Variants in PCDHGB4 observed in about 807,000 individuals in gnomAD.
PCDHGB4 encodes protocadherin gamma-B4.
In PCDHGB4, 38 loss-of-function variants were observed where a neutral mutation model predicts 60.5. That is an observed-to-expected ratio of 0.63 (90% CI 0.48 to 0.82). PCDHGB4 has a LOEUF of 0.82. Ranked by LOEUF, PCDHGB4 falls within the 40% of genes least tolerant of loss-of-function variation. The probability of loss-of-function intolerance (pLI) is 0.00; values close to 1 mark genes in which losing one functional copy is unlikely to be tolerated. For missense variants in PCDHGB4, 1,109 were observed against 1,209.6 expected (o/e 0.92, Z 1.23); for synonymous variants, 456 against 509.7 (o/e 0.89, Z 1.42).
rs2099415271 is a variant in PCDHGB4, at chr5:141,477,659, G to A, written c.2398-17148G>A. 6.2e-7 allele frequency: 1 copy of A among 1,614,194 alleles called. No individual in the cohort carries two copies. The highest frequency in any genetic ancestry group is 1.3e-5 in the African/African-American group (1 of 75,046). ...GGGTCGCTATTTCACAATAAATCGT[G>A]ACAATGGCATAGTGTCATCCTTAGT... On this transcript the variant is annotated intron_variant, in intron 1 of 3. Transcript: ENST00000519479. The surrounding 1 kb of genome is among the most constrained non-coding windows in gnomAD (Gnocchi z 4.9).
rs374200575 is a variant in PCDHGB4 at position 141,432,105 on chromosome 5, C to G, written c.2397+41824C>G. On this transcript the variant is annotated intron_variant, in intron 1 of 3. Transcript: ENST00000519479. This position sits in a 1 kb window ranked among gnomAD's most constrained non-coding sequence, Gnocchi z 6.0. The stretch of plus-strand genomic sequence containing the variant: ...AACGTGGCAGACACCAACGACAACC[C>G]GCCGGTCTTCCCTCAGGCCTCCTAT... 1.2e-6 allele frequency: 2 copies of G among 1,614,172 alleles called. No individual in the cohort carries two copies. Among genetic ancestry groups the G allele is most frequent in the Non-Finnish European group, 1.7e-6 (2 of 1,180,034 alleles).
intron 1 of PCDHGB4, among the ~76,000 whole-genome samples, chr5:141,445,441 C>G (rs1201825256): frequency 6.6e-6 from 1 of 152,152 alleles, no homozygotes; most frequent in East Asian, 1.9e-4. Context: ...GACCTATGGA[C>G]TAAGGATGCA....
chr5:141,485,193 G>T lies in PCDHGB4; in HGVS notation c.2398-9614G>T. The T allele has an allele frequency of 6.2e-7, 1 of 1,613,988 alleles. No homozygotes were observed. Among genetic ancestry groups the T allele is most frequent in the Non-Finnish European group, 8.5e-7 (1 of 1,179,852 alleles). The stretch of plus-strand genomic sequence containing the variant: ...GCAGCAATGCTCCGCAAGGTGAGAA[G>T]CTGGACAGAAATCTGGCGGTGGGCT... On this transcript the variant is annotated intron_variant, in intron 1 of 3. Transcript: ENST00000519479. The surrounding 1 kb of genome is among the most constrained non-coding windows in gnomAD (Gnocchi z 5.7).
At chr5:141,400,008 C>A (rs1395195387) in intron 1 of PCDHGB4, 1 of 1,612,692 alleles carries the variant, frequency 6.2e-7, no homozygotes, top group South Asian at 1.1e-5. Flanking sequence ...CAGCGCGTGC[C>A]TTGGGCGACA....
intron 2 of PCDHGB4, 143 bp downstream of exon 2, chr5:141,495,008 G>A (rs2099758236): frequency 6.6e-7 from 1 of 1,521,900 alleles, no homozygotes; most frequent in Non-Finnish European, 8.8e-7. Context: ...TGGTGTGCGG[G>A]GGGCTGGCAC....
At chr5:141,392,859 CT>C in intron 1 of PCDHGB4, 1 of 1,612,504 alleles carries the variant, frequency 6.2e-7, no homozygotes, top group Non-Finnish European at 8.5e-7. Flanking sequence ...GCTGATCCTG[CT>C]GTGCGCGCTG....
At chr5:141,479,312 A>G (rs1218187495) in intron 1 of PCDHGB4, 5 of 152,526 alleles carry the variant, frequency 3.3e-5, no homozygotes, top group African/African-American at 9.6e-5. Context: ...GAAAACATAA[A>G]GTAGCCAGAC....
intron 1 of PCDHGB4, among the ~76,000 whole-genome samples, chr5:141,425,036 G>A (rs574813328): frequency 1.3e-5 from 2 of 152,238 alleles, no homozygotes; most frequent in East Asian, 3.9e-4. Context: ...GTCATTAGTT[G>A]TAAACTGACT....
intron 1 of PCDHGB4, chr5:141,428,419 CTCTGT>C (rs2097138377): frequency 4.4e-6 from 2 of 451,802 alleles, no homozygotes; most frequent in African/African-American, 2.0e-5. Context: ...TCACCCTGGT[CTCTGT>C]TCTAAGACTA....
At chr5:141,461,456 T>C (rs12186717) in intron 1 of PCDHGB4, among the ~76,000 whole-genome samples, 42,391 of 152,030 alleles carry the variant, frequency 0.28, 6,631 homozygotes, top group African/African-American at 0.43. Context: ...AATGGCTATT[T>C]GTGTCCTTTG....
At chr5:141,409,618 G>T (rs374484255) in intron 1 of PCDHGB4, 77 of 1,613,776 alleles carry the variant, frequency 4.8e-5, no homozygotes, top group Non-Finnish European at 6.3e-5. Context: ...CCTCCATTGC[G>T]CAAGTGAGCG....
At position 141,485,287 on chromosome 5, in the gene PCDHGB4, G is replaced by A. The variant is rs1396496143; in HGVS notation, c.2398-9520G>A. 5.0e-6 allele frequency: 8 copies of A among 1,614,064 alleles called. No individual in the cohort carries two copies. The highest frequency in any genetic ancestry group is 6.8e-6 in the Non-Finnish European group (8 of 1,180,002). On this transcript the variant is annotated intron_variant, in intron 1 of 3. Transcript: ENST00000519479. The surrounding 1 kb of genome is among the most constrained non-coding windows in gnomAD (Gnocchi z 5.7). ...AGATCCGCTACCCGGTCCCAGAGGA[G>A]TCACAGGAAGGGACTTTTGTAGGGA...
intron 1 of PCDHGB4, chr5:141,419,278 A>G: frequency 6.2e-7 from 1 of 1,614,038 alleles, no homozygotes; most frequent in Non-Finnish European, 8.5e-7. Context: ...CCATAGCGCA[A>G]GTCAGTGCCT....
chr5:141,415,890 C>A lies in PCDHGB4; in HGVS notation c.2397+25609C>A, dbSNP rs2095969500. The A allele has an allele frequency of 9.7e-6, 9 of 931,410 alleles. No homozygotes were observed. In the South Asian group the frequency reaches 2.3e-4, roughly 24 times the overall value. 57.7% of individuals were successfully genotyped at this position (931,410 alleles called of 1,614,324 possible). On this transcript the variant is annotated intron_variant, in intron 1 of 3. Coordinates refer to ENST00000519479, the MANE Select transcript of PCDHGB4 (RefSeq NM_003736.4). Reference sequence around the variant, plus strand: ...GTTGTTGAGTACAATATTGACAATTCCTAAGACAGACTTCCATACAGAAGT... The same window carrying A: ...GTTGTTGAGTACAATATTGACAATTACTAAGACAGACTTCCATACAGAAGT...
chr5:141,495,077 C>T (rs1237589417), intron 2 of PCDHGB4, among the ~76,000 whole-genome samples: 4 of 152,180 alleles, frequency 2.6e-5, no homozygotes, highest in African/African-American at 9.7e-5. Flanking sequence ...AATTCACATG[C>T]TTGCCCCTTC....
intron 1 of PCDHGB4, chr5:141,418,640 A>G (rs1042874136): frequency 1.2e-6 from 2 of 1,614,042 alleles, no homozygotes; most frequent in Non-Finnish European, 1.7e-6. Flanking sequence ...AGGCACCTCC[A>G]TCCTGAGAGT....
Position 141,505,441 on chromosome 5 carries a change from C to A in PCDHGB4, c.2505C>A (p.Asp835Glu), listed in dbSNP as rs2099846055. 6.2e-7 allele frequency: 1 copy of A among 1,614,084 alleles called. No individual in the cohort carries two copies. Among genetic ancestry groups the A allele is most frequent in the Non-Finnish European group, 8.5e-7 (1 of 1,180,024 alleles). Reference sequence around the variant, plus strand: ...GCACCTGGCCCAACAACCAGTTTGACACAGAGATGCTGCAAGCCATGATCT... The same window carrying A: ...GCACCTGGCCCAACAACCAGTTTGAAACAGAGATGCTGCAAGCCATGATCT... ...DTGTWPNNQFDTEMLQAMILA... is the reference protein window; with the variant it reads ...DTGTWPNNQFETEMLQAMILA... Residue 835 changes from aspartate to glutamate, a missense_variant, in exon 3 of 4, where the codon GAC becomes GAA. Transcript: ENST00000519479.
At chr5:141,461,861 T>C (rs1445632008) in intron 1 of PCDHGB4, among the ~76,000 whole-genome samples, 8 of 152,182 alleles carry the variant, frequency 5.3e-5, no homozygotes, top group Middle Eastern at 3.4e-3. Flanking sequence ...TTTGCTCTTG[T>C]TGCCCAGGCT....
At chr5:141,413,080 A>G (rs2095603656) in intron 1 of PCDHGB4, 3 of 1,298,546 alleles carry the variant, frequency 2.3e-6, no homozygotes, top group Non-Finnish European at 3.2e-6. Context: ...TGCCCAGGCT[A>G]CAGAGACACC....
Sources: gnomAD v4.1 joint callset for allele counts (sites outside exome capture counted in the v4.1 genomes callset) on GRCh38, gnomAD v4.1.1 for gene constraint, Gnocchi (gnomAD v3.1) non-coding constraint, MANE v1.5 for transcripts, NCBI Gene and HGNC (gene_info 2026-07-23, HGNC 2026-07-21) for gene names.